IQGAP2: variants seen among roughly 807,000 people sequenced by gnomAD.
IQGAP2 encodes the protein IQ motif containing GTPase activating protein 2, also known as ras GTPase-activating-like protein IQGAP2.
In IQGAP2, 173 loss-of-function variants were observed where a neutral mutation model predicts 201.3. That is an observed-to-expected ratio of 0.86 (90% CI 0.76 to 0.98). The LOEUF (loss-of-function observed/expected upper bound fraction) is 0.98. Among genes scored for constraint, IQGAP2 ranks in the 50% least tolerant of loss-of-function variants. The probability of loss-of-function intolerance (pLI) is 0.00; values close to 1 mark genes in which losing one functional copy is unlikely to be tolerated. For missense variants in IQGAP2, 1,687 were observed against 1,864.8 expected, an observed-to-expected ratio of 0.90 and a Z score of 1.76; for synonymous variants, 675 against 673.9, an observed-to-expected ratio of 1.00 and a Z score of -0.03.
At chr5:76,677,827 G>C (rs1277689256) in intron 28 of IQGAP2, among the ~76,000 whole-genome samples, 2 of 152,160 alleles carry the variant, frequency 1.3e-5, no homozygotes, top group Non-Finnish European at 2.9e-5. Context: ...AGCTACTTAA[G>C]AGGCTGAGGT....
intron 13 of IQGAP2, among the ~76,000 whole-genome samples, chr5:76,623,867 C>T (rs867612844): frequency 6.6e-6 from 1 of 151,178 alleles, no homozygotes; most frequent in Non-Finnish European, 1.5e-5. Context: ...GTCGTCAGTG[C>T]CTGGCCAGAA....
intron 1 of IQGAP2, among the ~76,000 whole-genome samples, chr5:76,404,119 C>G (rs150084634): frequency 0.018 from 2,669 of 152,258 alleles, 93 homozygotes; most frequent in African/African-American, 0.06. Context: ...CTTCACCTGA[C>G]CCGCTAGAGC....
intron 2 of IQGAP2, among the ~76,000 whole-genome samples, chr5:76,482,355 G>T (rs1755842469): frequency 6.6e-6 from 1 of 152,160 alleles, no homozygotes; most frequent in Non-Finnish European, 1.5e-5. Flanking sequence ...TGGTCAGTAG[G>T]TGTCTCTGAT....
At chr5:76,487,437 G>A (rs148472071) in intron 2 of IQGAP2, among the ~76,000 whole-genome samples, 110 of 152,140 alleles carry the variant, frequency 7.2e-4, no homozygotes, top group African/African-American at 1.4e-3. Context: ...ATGTGGATGC[G>A]GATCTTACAC....
At chr5:76,453,930 G>C (rs969968225) in intron 1 of IQGAP2, among the ~76,000 whole-genome samples, 2 of 152,146 alleles carry the variant, frequency 1.3e-5, no homozygotes, top group Non-Finnish European at 2.9e-5. Context: ...TCTGTTGTTG[G>C]AGTTAAATTT....
intron 1 of IQGAP2, among the ~76,000 whole-genome samples, chr5:76,445,059 T>G (rs1753296005): frequency 6.6e-6 from 1 of 152,190 alleles, no homozygotes; most frequent in African/African-American, 2.4e-5. Flanking sequence ...TGATGAGCCC[T>G]TTGAATATTA....
Position 76,702,455 on chromosome 5 carries a change from C to T in IQGAP2, c.4506-27C>T, listed in dbSNP as rs115903872. The T allele has an allele frequency of 9.8e-6, 10 of 1,020,166 alleles. No individual in the cohort carries two copies. In the African/African-American group the frequency reaches 1.4e-4, roughly 15 times the overall value. 63.2% of individuals were successfully genotyped at this position (1,020,166 alleles called of 1,614,324 possible). A position where few individuals can be genotyped will look rare whatever the true frequency, so the allele number is the denominator to read the frequency against. On this transcript the variant is annotated intron_variant, in intron 34 of 35. Transcript: ENST00000274364. ...AAGCACATCTGTATTTGTAATTTCTCATGTATGAATGTTCCTTTCTTCACA... is the reference window on the plus strand; with the variant it reads ...AAGCACATCTGTATTTGTAATTTCTTATGTATGAATGTTCCTTTCTTCACA...
At chr5:76,428,017 G>T (rs1752111240) in intron 1 of IQGAP2, among the ~76,000 whole-genome samples, 1 of 152,286 alleles carries the variant, frequency 6.6e-6, no homozygotes, top group East Asian at 1.9e-4. Flanking sequence ...TAACAGGACA[G>T]CCTGAGACAG....
chr5:76,693,227 G>A (rs555416190), intron 30 of IQGAP2, 128 bp from the exon 31 acceptor site: 2 of 596,490 alleles, frequency 3.4e-6, no homozygotes, highest in Admixed American at 6.8e-5. Context: ...CCGCAAGAAT[G>A]TTTTATTTTA....
At chr5:76,594,161 A>T (rs1746852166) in intron 9 of IQGAP2, among the ~76,000 whole-genome samples, 1 of 152,178 alleles carries the variant, frequency 6.6e-6, no homozygotes, top group African/African-American at 2.4e-5. Context: ...TACAATTTAA[A>T]GTTTGTCTTT....
rs932305388 is a variant in IQGAP2, at chr5:76,477,844, G to T, written c.146+16175G>T. Among the ~76,000 whole-genome samples the T allele has an allele frequency of 2.0e-5, 3 of 150,262 alleles. No individual in the cohort carries two copies. The East Asian group carries it at 5.9e-4, about 30-fold the overall frequency. On this transcript the variant is annotated intron_variant, in intron 2 of 35. Coordinates refer to ENST00000274364, the MANE Select transcript of IQGAP2 (RefSeq NM_006633.5). ...GGATCTTGCTAATATGTGTGTTTGT[G>T]TCTTAGTTTATAGCAAAAAAGTTTA... is the stretch of plus-strand genomic sequence containing the variant.
chr5:76,656,488 GT>G (rs11347965), intron 20 of IQGAP2, among the ~76,000 whole-genome samples: 96,232 of 151,016 alleles, frequency 0.64, 30,814 homozygotes, highest in South Asian at 0.82. Flanking sequence ...GCCGTTTTTG[GT>G]TTTTTTTTTA....
chr5:76,601,829 A>G (rs912522711), intron 11 of IQGAP2, among the ~76,000 whole-genome samples: 6 of 152,210 alleles, frequency 3.9e-5, no homozygotes, highest in Non-Finnish European at 7.4e-5. Context: ...TATGTAGTGA[A>G]TGGCCAAAAG....
intron 13 of IQGAP2, chr5:76,618,097 G>A: frequency 1.9e-6 from 3 of 1,614,192 alleles, no homozygotes; most frequent in Non-Finnish European, 1.7e-6. Flanking sequence ...TGCTTGGGCA[G>A]GCCCCGGTAG....
intron 1 of IQGAP2, among the ~76,000 whole-genome samples, chr5:76,455,212 G>T (rs1754002908): frequency 6.6e-6 from 1 of 152,024 alleles, no homozygotes; most frequent in African/African-American, 2.4e-5. Context: ...ACTTTGGGAG[G>T]CTGAGGTGGG....
chr5:76,692,947 G>A (rs1746400318), intron 30 of IQGAP2, among the ~76,000 whole-genome samples: 1 of 152,184 alleles, frequency 6.6e-6, no homozygotes, highest in African/African-American at 2.4e-5. Flanking sequence ...AGAAGTCTAG[G>A]TGCTATTAAA....
At chr5:76,641,569 C>T (rs1751585842) in intron 17 of IQGAP2, among the ~76,000 whole-genome samples, 1 of 152,188 alleles carries the variant, frequency 6.6e-6, no homozygotes, top group Non-Finnish European at 1.5e-5. Context: ...TGTCACTCTT[C>T]ATTTAGGCCT....
chr5:76,418,314 T>C (rs1751530742), intron 1 of IQGAP2, among the ~76,000 whole-genome samples: 1 of 152,080 alleles, frequency 6.6e-6, no homozygotes, highest in South Asian at 2.1e-4. Flanking sequence ...AATCCTAATA[T>C]ATGATTTTTA....
At chr5:76,695,026 CT>C (rs1248897730) in intron 31 of IQGAP2, among the ~76,000 whole-genome samples, 2 of 152,190 alleles carry the variant, frequency 1.3e-5, no homozygotes, top group Non-Finnish European at 2.9e-5. Flanking sequence ...GTTTAGGACT[CT>C]CCATAAACAT....
Sources: allele counts gnomAD v4.1 joint callset (sites outside exome capture counted in the v4.1 genomes callset), GRCh38; gene constraint gnomAD v4.1.1; transcripts MANE v1.5; gene names NCBI Gene and HGNC (gene_info 2026-07-23, HGNC 2026-07-21).